CTNNA3: variants seen among roughly 807,000 people sequenced by gnomAD.
CTNNA3 encodes the protein catenin alpha 3.
In CTNNA3, 76 loss-of-function variants were observed where a neutral mutation model predicts 95.7. The observed-to-expected ratio is 0.79, with a 90% CI of 0.66 to 0.96. The LOEUF is 0.96. Ranked by LOEUF, CTNNA3 falls within the 40% of genes least tolerant of loss-of-function variation. The probability of loss-of-function intolerance (pLI) is 0.00; values close to 1 mark genes in which losing one functional copy is unlikely to be tolerated. For synonymous variants in CTNNA3, 431 were observed against 374.4 expected (o/e 1.15, Z -1.74); for missense variants, 1,191 against 1,089.8 (o/e 1.09, Z -1.31).
At chr10:67,585,092 C>T (rs544875993) in intron 3 of CTNNA3, among the ~76,000 whole-genome samples, 3 of 152,156 alleles carry the variant, frequency 2.0e-5, no homozygotes, top group Admixed American at 6.5e-5. Flanking sequence ...CCCAGTGAGA[C>T]GAACCTGGTA....
intron 7 of CTNNA3, among the ~76,000 whole-genome samples, chr10:66,994,655 T>A (rs138992679): frequency 2.2e-3 from 342 of 152,290 alleles, no homozygotes; most frequent in Non-Finnish European, 3.8e-3. Flanking sequence ...GCTGACAAAA[T>A]CATGACTTAC....
intron 13 of CTNNA3, among the ~76,000 whole-genome samples, chr10:66,199,885 C>A (rs1245004595): frequency 5.2e-5 from 7 of 134,838 alleles, no homozygotes; most frequent in Middle Eastern, 4.0e-3. Flanking sequence ...ATCTCCTGAC[C>A]TCATGATCTG....
At chr10:67,478,516 T>A (rs1351664638) in intron 5 of CTNNA3, among the ~76,000 whole-genome samples, 1 of 152,172 alleles carries the variant, frequency 6.6e-6, no homozygotes, top group Non-Finnish European at 1.5e-5. Flanking sequence ...AAGAATTTCA[T>A]ATCCCACTAA....
At chr10:67,143,425 T>TAAGAAAAAAAAAAAAAAAAAAAA (rs1860686820) in intron 7 of CTNNA3, among the ~76,000 whole-genome samples, 3 of 76,006 alleles carry the variant, frequency 3.9e-5, no homozygotes, top group Non-Finnish European at 7.9e-5. Context: ...GGCTCTGTCT[T>TAAGAAAAAAAAAAAAAAAAAAAA]AAAAAAAAAA....
Position 66,723,329 on chromosome 10 carries a change from T to C in CTNNA3, c.1281+42935A>G, listed in dbSNP as rs557071326. Among the ~76,000 whole-genome samples, 367 of 152,300 alleles carry C rather than the reference T, an allele frequency of 2.4e-3. 1 individual carries two copies. Among genetic ancestry groups the C allele is most frequent in the Non-Finnish European group, 4.5e-3 (309 of 68,020 alleles). ...TTTTATGGCTATTAATGGAGGATGC[T>C]GCTACCATCCTACCCAAGGGCCCAT... On this transcript the variant is annotated intron_variant, in intron 9 of 17. Transcript: ENST00000433211.
intron 12 of CTNNA3, among the ~76,000 whole-genome samples, chr10:66,345,349 T>G (rs1467075734): frequency 6.6e-6 from 1 of 152,132 alleles, no homozygotes; most frequent in Non-Finnish European, 1.5e-5. Flanking sequence ...TGAAAAATGT[T>G]AAACAAAGGT....
At chr10:66,438,729 A>G (rs1314401822) in intron 11 of CTNNA3, among the ~76,000 whole-genome samples, 1 of 152,058 alleles carries the variant, frequency 6.6e-6, no homozygotes, top group African/African-American at 2.4e-5. Context: ...CATTCCAGGT[A>G]CCACTGAGGT....
intron 11 of CTNNA3, among the ~76,000 whole-genome samples, chr10:66,500,210 C>G (rs968377768): frequency 6.6e-6 from 1 of 151,716 alleles, no homozygotes; most frequent in African/African-American, 2.4e-5. Context: ...TTCAGCTATT[C>G]AAACCAAAAA....
chr10:66,406,186 G>A (rs2093055555), intron 11 of CTNNA3, among the ~76,000 whole-genome samples: 1 of 152,010 alleles, frequency 6.6e-6, no homozygotes, highest in Non-Finnish European at 1.5e-5. Context: ...CATTATCTTG[G>A]CTCCCAAAGA....
chr10:67,391,210 C>A (rs1241506232), intron 5 of CTNNA3, among the ~76,000 whole-genome samples: 1 of 152,084 alleles, frequency 6.6e-6, no homozygotes, highest in African/African-American at 2.4e-5. Flanking sequence ...AGCAAAGTCT[C>A]AGGATACAAA....
chr10:67,446,153 G>C (rs185109284), intron 5 of CTNNA3, among the ~76,000 whole-genome samples: 2 of 152,230 alleles, frequency 1.3e-5, no homozygotes, highest in East Asian at 3.9e-4. Flanking sequence ...ATTTTGAACC[G>C]AATCAGTCAT....
intron 13 of CTNNA3, among the ~76,000 whole-genome samples, chr10:66,234,541 G>T (rs115503948): frequency 6.6e-6 from 1 of 152,116 alleles, no homozygotes. Flanking sequence ...TTGTAGTTGC[G>T]TGTCTGATAT....
At chr10:67,149,870 T>G (rs1217936244) in intron 7 of CTNNA3, among the ~76,000 whole-genome samples, 2 of 152,220 alleles carry the variant, frequency 1.3e-5, no homozygotes, top group African/African-American at 4.8e-5. Context: ...ACCCTGGCAT[T>G]TTGATAATGT....
At chr10:67,164,305 C>T (rs755551628) in intron 7 of CTNNA3, among the ~76,000 whole-genome samples, 6 of 151,940 alleles carry the variant, frequency 3.9e-5, no homozygotes, top group Non-Finnish European at 8.8e-5. Context: ...TAGAAATAGC[C>T]ATACACAAGT....
At chr10:66,073,363 G>A (rs1356706839) in intron 14 of CTNNA3, among the ~76,000 whole-genome samples, 1 of 152,038 alleles carries the variant, frequency 6.6e-6, no homozygotes, top group Non-Finnish European at 1.5e-5. Flanking sequence ...GGTCAGCTAC[G>A]CTACTTTCAT....
intron 13 of CTNNA3, among the ~76,000 whole-genome samples, chr10:66,194,108 T>C (rs1396565159): frequency 6.6e-6 from 1 of 152,124 alleles, no homozygotes; most frequent in Admixed American, 6.6e-5. Context: ...AGTTTCAAGG[T>C]ATGAGCAATG....
chr10:66,429,796 A>T (rs10466003), intron 11 of CTNNA3, among the ~76,000 whole-genome samples: 17,745 of 152,032 alleles, frequency 0.12, 1,499 homozygotes, highest in African/African-American at 0.24. Context: ...AACCAATATC[A>T]TACTGAATGG....
At chr10:65,927,640 A>G (rs1176022943) in intron 17 of CTNNA3, among the ~76,000 whole-genome samples, 1 of 152,156 alleles carries the variant, frequency 6.6e-6, no homozygotes, top group Non-Finnish European at 1.5e-5. Context: ...AGTTTATTTT[A>G]TTTATTGCTG....
chr10:65,945,088 A>C (rs1008465439), intron 17 of CTNNA3, among the ~76,000 whole-genome samples: 1 of 152,120 alleles, frequency 6.6e-6, no homozygotes, highest in African/African-American at 2.4e-5. Flanking sequence ...TGTTTAGAAC[A>C]ACTAATTTAT....
Sources: gnomAD v4.1 joint callset for allele counts (sites outside exome capture counted in the v4.1 genomes callset) on GRCh38, gnomAD v4.1.1 for gene constraint, MANE v1.5 for transcripts, NCBI Gene and HGNC (gene_info 2026-07-23, HGNC 2026-07-21) for gene names.